PTAFR: variants seen among roughly 807,000 people sequenced by gnomAD.
PTAFR encodes platelet activating factor receptor.
PTAFR carries 8 observed loss-of-function variants against 14.7 expected under a neutral mutation model. The observed-to-expected ratio is 0.54, with a 90% CI of 0.32 to 0.98. PTAFR has a LOEUF of 0.98. PTAFR is among the 50% of genes least tolerant of loss of function. The pLI is 0.04. For synonymous variants in PTAFR, 156 were observed against 176.5 expected, an observed-to-expected ratio of 0.88 and a Z score of 0.92; for missense variants, 337 against 451.2, an observed-to-expected ratio of 0.75 and a Z score of 2.29.
At chr1:28,154,624 C>A (rs1016855744) in intron 1 of PTAFR, among the ~76,000 whole-genome samples, 1 of 151,864 alleles carries the variant, frequency 6.6e-6, no homozygotes, top group African/African-American at 2.4e-5. Context: ...CCAGCCTGGG[C>A]AACACGGTGA....
At chr1:28,152,063 A>C (rs1572028388) in intron 1 of PTAFR, among the ~76,000 whole-genome samples, 1 of 151,472 alleles carries the variant, frequency 6.6e-6, no homozygotes. Context: ...CACCTAGCTA[A>C]TTTTTGTATT....
chr1:28,168,857 G>A (rs973451208), intron 1 of PTAFR, among the ~76,000 whole-genome samples: 9 of 151,864 alleles, frequency 5.9e-5, no homozygotes, highest in African/African-American at 9.7e-5. Flanking sequence ...TGGTAGAGAC[G>A]GGGTTTCAAC....
intron 1 of PTAFR, among the ~76,000 whole-genome samples, chr1:28,175,679 G>A (rs977505286): frequency 3.9e-5 from 6 of 151,922 alleles, no homozygotes; most frequent in Admixed American, 6.6e-5. Flanking sequence ...ATTGTTTGTG[G>A]GCTTGGCCCT....
Position 28,150,096 on chromosome 1 carries a change from T to C in PTAFR, c.926A>G (p.Tyr309Cys). 1 of 1,614,184 alleles carries C rather than the reference T, an allele frequency of 6.2e-7. No homozygotes were observed. Among genetic ancestry groups the C allele is most frequent in the Non-Finnish European group, 8.5e-7 (1 of 1,180,022 alleles). Residue 309 changes from tyrosine to cysteine, a missense_variant, in exon 2 of 2, where the codon TAC becomes TGC. Tyr to Cys is a radical substitution (Grantham distance 194, BLOSUM62 -2). Transcript: ENST00000373857. The surrounding 1 kb of genome is among the most constrained non-coding windows in gnomAD (Gnocchi z 6.3). ...KFRKHLTEKF[Y>C]SMRSSRKCSR... ...GCATTTCCGGCTACTGCGCATGCTG[T>C]AGAACTTTTCGGTGAGGTGCTTGCG...
At chr1:28,165,153 C>G (rs980252275) in intron 1 of PTAFR, among the ~76,000 whole-genome samples, 1 of 151,938 alleles carries the variant, frequency 6.6e-6, no homozygotes, top group African/African-American at 2.4e-5. Context: ...TATAATAATC[C>G]CAGCACTCCG....
chr1:28,162,204 C>CA lies in PTAFR; in HGVS notation c.-38-11146dup, dbSNP rs1365962695. Among the ~76,000 whole-genome samples the CA allele has an allele frequency of 3.3e-5, 5 of 152,268 alleles. No homozygotes were observed. In the East Asian group the frequency reaches 7.7e-4, roughly 23 times the overall value. ...CAGGTAGAGAATAGATGGTAGGGAG[C>CA]AAGCGTGGAAACAGCAAGAGCATTT... On this transcript the variant is annotated intron_variant, in intron 1 of 1. Coordinates refer to ENST00000373857, the MANE Select transcript of PTAFR (RefSeq NM_000952.5).
At chr1:28,168,187 G>A (rs1646412384) in intron 1 of PTAFR, among the ~76,000 whole-genome samples, 1 of 145,564 alleles carries the variant, frequency 6.9e-6, no homozygotes. Flanking sequence ...TAGCCAGGAT[G>A]GTCTCAATCT....
chr1:28,193,266 G>A (rs1358607076), intron 1 of PTAFR, among the ~76,000 whole-genome samples: 1 of 152,074 alleles, frequency 6.6e-6, no homozygotes, highest in Non-Finnish European at 1.5e-5. Context: ...CCGGGTTGGG[G>A]TGTGGATCTG....
At chr1:28,152,151 C>A (rs952968823) in intron 1 of PTAFR, among the ~76,000 whole-genome samples, 1 of 152,130 alleles carries the variant, frequency 6.6e-6, no homozygotes, top group African/African-American at 2.4e-5. Flanking sequence ...CCAGCCTTGG[C>A]CTCCCAAAGT....
rs1646156384 is a variant in PTAFR, at chr1:28,149,730, T to TA, written c.*262dup. On this transcript the variant is annotated 3_prime_UTR_variant, in exon 2 of 2. Transcript: ENST00000373857. ...GGCCCTGACATTCCTTCCGGCCCCA[T>TA]AAGATTAAGGGACTCAGGATAAAGT... The TA allele has an allele frequency of 2.3e-6, 1 of 430,268 alleles. No homozygotes were observed. The highest frequency in any genetic ancestry group is 4.2e-6 in the Non-Finnish European group (1 of 240,864). The allele number at this position is 430,268 out of a possible 1,614,324, so 26.7% of individuals were successfully genotyped here.
chr1:28,183,584 C>A (rs1184052909), intron 1 of PTAFR, among the ~76,000 whole-genome samples: 1 of 152,180 alleles, frequency 6.6e-6, no homozygotes. Flanking sequence ...GCCGTGACTA[C>A]ACCACTGCCA....
chr1:28,149,663 G>A lies in PTAFR; in HGVS notation c.*330C>T. The A allele has an allele frequency of 3.6e-6, 1 of 276,686 alleles. No homozygotes were observed. Among genetic ancestry groups the A allele is most frequent in the Non-Finnish European group, 6.9e-6 (1 of 145,216 alleles). 17.1% of individuals were successfully genotyped at this position (276,686 alleles called of 1,614,324 possible). ...AGCTTTAGACCGATGCCCCATCGGG[G>A]AGAACTAGGTGGTTTAAAGTCTTCC... On this transcript the variant is annotated 3_prime_UTR_variant, in exon 2 of 2. Coordinates refer to ENST00000373857, the MANE Select transcript of PTAFR (RefSeq NM_000952.5).
chr1:28,174,251 G>A (rs541312922), intron 1 of PTAFR, among the ~76,000 whole-genome samples: 69 of 152,100 alleles, frequency 4.5e-4, no homozygotes, highest in African/African-American at 1.5e-3. Context: ...GGGTGCTGCC[G>A]GCTCCTGCTC....
rs534541714 is a variant in PTAFR, at chr1:28,150,389, A to G, written c.633T>C (p.Arg211=). The G allele has an allele frequency of 6.2e-7, 1 of 1,613,980 alleles. No homozygotes were observed. Among genetic ancestry groups the G allele is most frequent in the South Asian group, 1.1e-5 (1 of 91,052 alleles). ...GCTGCACCGGCTGCATGAGCAAGGT[A>G]CGGATGATGACCAGGTTGCAGAAGA... ...IILFCNLVII[R]TLLMQPVQQQ... The change falls in exon 2 of 2, where the codon CGT becomes CGC. Residue 211 remains arginine, a synonymous_variant. Coordinates refer to ENST00000373857, the MANE Select transcript of PTAFR (RefSeq NM_000952.5). This position sits in a 1 kb window ranked among gnomAD's most constrained non-coding sequence, Gnocchi z 6.3.
intron 1 of PTAFR, among the ~76,000 whole-genome samples, chr1:28,175,207 C>T (rs555013489): frequency 1.5e-4 from 23 of 152,160 alleles, no homozygotes; most frequent in Non-Finnish European, 2.8e-4. Context: ...CCACCATGCC[C>T]GGCCCACAGA....
chr1:28,149,948 C>A lies in PTAFR; in HGVS notation c.*45G>T, dbSNP rs368716540. 2.5e-6 allele frequency: 4 copies of A among 1,574,180 alleles called. No homozygotes were observed. Among genetic ancestry groups the A allele is most frequent in the Non-Finnish European group, 2.6e-6 (3 of 1,158,270 alleles). ...ATATCCCTTCTTCCCCCAGCTCAGTCCATGATGTTCATGGAGGAGAAGACT... is the reference window on the plus strand; with the variant it reads ...ATATCCCTTCTTCCCCCAGCTCAGTACATGATGTTCATGGAGGAGAAGACT... On this transcript the variant is annotated 3_prime_UTR_variant, in exon 2 of 2. Coordinates refer to ENST00000373857, the MANE Select transcript of PTAFR (RefSeq NM_000952.5).
intron 1 of PTAFR, among the ~76,000 whole-genome samples, chr1:28,154,922 G>A (rs557756503): frequency 6.6e-6 from 1 of 151,980 alleles, no homozygotes; most frequent in African/African-American, 2.4e-5. Flanking sequence ...CCTGAAGGAG[G>A]AACAAGAGCA....
Position 28,184,640 on chromosome 1 carries a change from G to GT in PTAFR, c.-39+9081dup, listed in dbSNP as rs200632053. ...ACCTCACCCTTTTGTTTTTCCTTTT[G>GT]TTTTTTTGTTTGTTTTTGAGACAGA... On this transcript the variant is annotated intron_variant, in intron 1 of 1. Transcript: ENST00000305392. Among the ~76,000 whole-genome samples the GT allele has an allele frequency of 5.0e-3, 757 of 150,304 alleles. 6 individuals are homozygous for GT. Among genetic ancestry groups the GT allele is most frequent in the Non-Finnish European group, 9.2e-3 (617 of 67,414 alleles).
At chr1:28,168,403 A>G (rs1020004382) in intron 1 of PTAFR, among the ~76,000 whole-genome samples, 1 of 152,226 alleles carries the variant, frequency 6.6e-6, no homozygotes, top group South Asian at 2.1e-4. Flanking sequence ...TATACATACA[A>G]TGGAATATTA....
Sources: gnomAD v4.1 joint callset for allele counts (sites outside exome capture counted in the v4.1 genomes callset) on GRCh38, gnomAD v4.1.1 for gene constraint, Gnocchi (gnomAD v3.1) non-coding constraint, MANE v1.5 for transcripts, NCBI Gene and HGNC (gene_info 2026-07-23, HGNC 2026-07-21) for gene names.